The following CADPS variants were observed in gnomAD, a reference collection of about 807,000 sequenced individuals.
CADPS encodes calcium dependent secretion activator, also known as calcium-dependent secretion activator 1.
CADPS carries 57 observed loss-of-function variants against 167.3 expected under a neutral mutation model. The observed-to-expected ratio is 0.34, with a 90% confidence interval of 0.28 to 0.42. The LOEUF (loss-of-function observed/expected upper bound fraction) is 0.42. Ranked by LOEUF, CADPS falls within the 20% of genes least tolerant of loss-of-function variation. The pLI, the probability that CADPS is intolerant of heterozygous loss-of-function variation, is 1.00. For synonymous variants in CADPS, 676 were observed against 635.3 expected (o/e 1.06, Z -0.96); for missense variants, 1,414 against 1,738.1 (o/e 0.81, Z 3.32).
intron 11 of CADPS, among the ~76,000 whole-genome samples, chr3:62,538,481 A>G (rs1277104125): frequency 6.6e-6 from 1 of 152,122 alleles, no homozygotes; most frequent in African/African-American, 2.4e-5. Flanking sequence ...GAAACTAAGC[A>G]TGGGGTACAC....
chr3:62,805,775 C>A (rs2094052910), intron 1 of CADPS, among the ~76,000 whole-genome samples: 1 of 152,132 alleles, frequency 6.6e-6, no homozygotes, highest in Non-Finnish European at 1.5e-5. Context: ...CTGTTGAGCT[C>A]AGCTAATGAG....
intron 8 of CADPS, among the ~76,000 whole-genome samples, chr3:62,572,877 A>G (rs2081545401): frequency 6.6e-6 from 1 of 151,976 alleles, no homozygotes; most frequent in South Asian, 2.1e-4. Flanking sequence ...ACATCCTCAC[A>G]TATACTTTTT....
intron 26 of CADPS, among the ~76,000 whole-genome samples, chr3:62,452,565 G>C (rs2058204208): frequency 6.6e-6 from 1 of 152,138 alleles, no homozygotes; most frequent in African/African-American, 2.4e-5. Context: ...TTCTATGTTA[G>C]AAAATGAAAT....
At chr3:62,551,668 A>ACT (rs1179327049) in intron 10 of CADPS, among the ~76,000 whole-genome samples, 2 of 148,928 alleles carry the variant, frequency 1.3e-5, no homozygotes, top group African/African-American at 5.0e-5. Context: ...CTCTCCTAAT[A>ACT]CTCTCTCTCT....
intron 17 of CADPS, among the ~76,000 whole-genome samples, chr3:62,504,273 T>A (rs2066247669): frequency 6.6e-6 from 1 of 152,196 alleles, no homozygotes; most frequent in African/African-American, 2.4e-5. Flanking sequence ...CAACTACTAA[T>A]CCTTTCATCA....
intron 3 of CADPS, among the ~76,000 whole-genome samples, chr3:62,702,500 A>G (rs527253349): frequency 6.6e-6 from 1 of 152,254 alleles, no homozygotes; most frequent in East Asian, 1.9e-4. Flanking sequence ...AGTATCATCA[A>G]GGAATAAATA....
chr3:62,434,948 A>T (rs2054681300), intron 28 of CADPS, among the ~76,000 whole-genome samples: 1 of 152,182 alleles, frequency 6.6e-6, no homozygotes, highest in Non-Finnish European at 1.5e-5. Flanking sequence ...AACTCTTAGA[A>T]CATGCCTCTG....
intron 9 of CADPS, among the ~76,000 whole-genome samples, chr3:62,559,479 T>C (rs1268590124): frequency 1.3e-5 from 2 of 152,020 alleles, no homozygotes; most frequent in African/African-American, 4.8e-5. Context: ...TAGATACTGC[T>C]GGAACGGTCC....
At chr3:62,853,099 A>C (rs1282055230) in intron 1 of CADPS, among the ~76,000 whole-genome samples, 3 of 152,200 alleles carry the variant, frequency 2.0e-5, no homozygotes, top group Non-Finnish European at 2.9e-5. Flanking sequence ...AATATTGCAC[A>C]AAGAAAATGA....
rs1049986037 is a variant in CADPS, at chr3:62,601,526, A to G, written c.1326-8778T>C. On this transcript the variant is annotated intron_variant, in intron 6 of 29. Transcript: ENST00000383710. This position sits in a 1 kb window ranked among gnomAD's most constrained non-coding sequence, Gnocchi z 4.3. ...CCACAAAGACGAACTATAAACATGCACTCACAAAGACAGCTGACCCCATGG... is the reference window on the plus strand; with the variant it reads ...CCACAAAGACGAACTATAAACATGCGCTCACAAAGACAGCTGACCCCATGG... Among the ~76,000 whole-genome samples the G allele has an allele frequency of 5.9e-5, 9 of 152,200 alleles. No homozygotes were observed. Among genetic ancestry groups the G allele is most frequent in the African/African-American group, 1.2e-4 (5 of 41,450 alleles).
intron 9 of CADPS, among the ~76,000 whole-genome samples, chr3:62,562,869 C>T (rs860621): frequency 0.87 from 132,562 of 152,268 alleles, 58,123 homozygotes; most frequent in East Asian, 0.99. Context: ...TGGCACCACA[C>T]TGGGCCAAAG....
At chr3:62,717,746 C>T (rs1331651386) in intron 3 of CADPS, among the ~76,000 whole-genome samples, 1 of 152,182 alleles carries the variant, frequency 6.6e-6, no homozygotes, top group Non-Finnish European at 1.5e-5. Flanking sequence ...GTGATCTTCT[C>T]AAGGCATAAA....
chr3:62,683,955 C>G (rs971864711), intron 3 of CADPS, among the ~76,000 whole-genome samples: 3 of 152,006 alleles, frequency 2.0e-5, no homozygotes, highest in Admixed American at 6.6e-5. Context: ...TCACTGATAG[C>G]AAACCTGATC....
chr3:62,518,572 A>G (rs1238289116), intron 13 of CADPS, among the ~76,000 whole-genome samples: 3 of 152,184 alleles, frequency 2.0e-5, no homozygotes, highest in Non-Finnish European at 4.4e-5. Context: ...ACCAGTTGCC[A>G]ACATTTTTTT....
chr3:62,510,807 T>G (rs569956518), intron 17 of CADPS, among the ~76,000 whole-genome samples: 1 of 152,100 alleles, frequency 6.6e-6, no homozygotes, highest in East Asian at 1.9e-4. Flanking sequence ...ATTTGTGCTC[T>G]ATTCTCATTA....
chr3:62,422,538 T>G (rs1426562248), intron 28 of CADPS, among the ~76,000 whole-genome samples: 6 of 152,196 alleles, frequency 3.9e-5, no homozygotes, highest in Non-Finnish European at 7.3e-5. Flanking sequence ...TTACTTTTTT[T>G]CTCTTTCATC....
intron 10 of CADPS, among the ~76,000 whole-genome samples, chr3:62,551,752 T>A (rs570738620): frequency 3.9e-4 from 59 of 152,326 alleles, no homozygotes; most frequent in African/African-American, 1.3e-3. Context: ...ACCCCAGGCA[T>A]GTGCTCACCT....
chr3:62,811,350 A>C (rs1342890335), intron 1 of CADPS, among the ~76,000 whole-genome samples: 1 of 152,156 alleles, frequency 6.6e-6, no homozygotes, highest in South Asian at 2.1e-4. Context: ...TGCTCATTGC[A>C]TAATCACCTC....
chr3:62,777,836 C>G (rs1451444754), intron 1 of CADPS, among the ~76,000 whole-genome samples: 1 of 152,186 alleles, frequency 6.6e-6, no homozygotes, highest in African/African-American at 2.4e-5. Flanking sequence ...ACAGAAAATT[C>G]TATCACTCAA....
Sources: gnomAD v4.1 joint callset for allele counts (sites outside exome capture counted in the v4.1 genomes callset) on GRCh38, gnomAD v4.1.1 for gene constraint, Gnocchi (gnomAD v3.1) non-coding constraint, MANE v1.5 for transcripts, NCBI Gene and HGNC (gene_info 2026-07-23, HGNC 2026-07-21) for gene names.